Variants in FAM107B observed in about 807,000 individuals in gnomAD.
FAM107B encodes family with sequence similarity 107 member B.
A neutral mutation model predicts 31.5 loss-of-function variants in FAM107B; 21 were observed. The ratio of observed to expected loss-of-function variants is 0.67; its 90% CI spans 0.47 to 0.96. The LOEUF (loss-of-function observed/expected upper bound fraction) is 0.96. Among genes scored for constraint, FAM107B ranks in the 40% least tolerant of loss-of-function variants. The pLI is 0.00. For synonymous variants in FAM107B, 157 were observed against 141.5 expected (o/e 1.11, Z -0.78); for missense variants, 452 against 377.1 (o/e 1.20, Z -1.64).
At chr10:14,582,835 C>T (rs958116824) in intron 2 of FAM107B, among the ~76,000 whole-genome samples, 4 of 152,014 alleles carry the variant, frequency 2.6e-5, no homozygotes, top group African/African-American at 9.7e-5. Flanking sequence ...CCTATAATCC[C>T]AGCACTTTGG....
chr10:14,683,062 G>C (rs1167792749), intron 1 of FAM107B, among the ~76,000 whole-genome samples: 5 of 152,286 alleles, frequency 3.3e-5, no homozygotes, highest in Admixed American at 1.3e-4. Context: ...GGGACTGGCA[G>C]GGTGAAGATG....
chr10:14,676,864 C>T (rs1854695078), intron 1 of FAM107B, among the ~76,000 whole-genome samples: 1 of 152,202 alleles, frequency 6.6e-6, no homozygotes, highest in Non-Finnish European at 1.5e-5. Flanking sequence ...CTGCAAGAAA[C>T]GCTGTTGACA....
chr10:14,731,640 AATG>A (rs1393715123), intron 1 of FAM107B, among the ~76,000 whole-genome samples: 1 of 152,224 alleles, frequency 6.6e-6, no homozygotes, highest in Admixed American at 6.5e-5. Context: ...TGTCCTGCAT[AATG>A]ATGTTTGGGT....
At chr10:14,663,341 A>G (rs1854300271) in intron 2 of FAM107B, 1 of 152,220 alleles carries the variant, frequency 6.6e-6, no homozygotes, top group Non-Finnish European at 1.5e-5. Flanking sequence ...AACTCGACTA[A>G]TACACTCACT....
intron 1 of FAM107B, among the ~76,000 whole-genome samples, chr10:14,767,099 G>GAGAGAC (rs1438667429): frequency 2.3e-4 from 25 of 110,016 alleles, no homozygotes; most frequent in Non-Finnish European, 3.9e-4. Flanking sequence ...GAGAGAGAGA[G>GAGAGAC]ACAGAGAGAG....
chr10:14,725,631 A>G (rs74122967), intron 1 of FAM107B, among the ~76,000 whole-genome samples: 23 of 89,254 alleles, frequency 2.6e-4, no homozygotes, highest in African/African-American at 9.5e-4. Context: ...GAGAGAGAGA[A>G]AGAGAGAGAG....
At chr10:14,594,528 C>T (rs868273295) in intron 2 of FAM107B, among the ~76,000 whole-genome samples, 8 of 137,918 alleles carry the variant, frequency 5.8e-5, no homozygotes, top group Non-Finnish European at 1.1e-4. Context: ...CAAAAAAAAA[C>T]AAAACTGGCA....
Position 14,530,450 on chromosome 10 carries a change from G to T in FAM107B, c.535C>A (p.Pro179Thr). 6.2e-7 allele frequency: 1 copy of T among 1,614,032 alleles called. No homozygotes were observed. The highest frequency in any genetic ancestry group is 8.5e-7 in the Non-Finnish European group (1 of 1,180,008). ...YLITRSIMAE[P>T]DYIEDDNPEL... The stretch of plus-strand genomic sequence containing the variant: ...GGATTGTCATCTTCTATGTAGTCTG[G>T]CTCGGCCATGATGCTTCTTGTAATG... The change falls in exon 3 of 5, where the codon CCA becomes ACA. Residue 179 changes from proline (P) to threonine (T), a missense_variant. Physicochemically the swap from Pro to Thr is conservative, Grantham distance 38. Transcript: ENST00000181796.
chr10:14,658,704 T>C (rs779051711), intron 2 of FAM107B, among the ~76,000 whole-genome samples: 7 of 152,226 alleles, frequency 4.6e-5, no homozygotes, highest in Non-Finnish European at 4.4e-5. Flanking sequence ...GATTGATTCA[T>C]CTACTTGCTT....
At chr10:14,634,444 A>G (rs1853446409) in intron 2 of FAM107B, among the ~76,000 whole-genome samples, 1 of 151,962 alleles carries the variant, frequency 6.6e-6, no homozygotes. Flanking sequence ...TGGTGTCCAC[A>G]TTTTGGATAA....
chr10:14,721,843 A>G lies in FAM107B; in HGVS notation c.411+52410T>C, dbSNP rs190183836. ...TTCTTTTGCTGTGCAGAAACTCTTT[A>G]GTTTAATTAGATCCCATTTGTCTAT... On this transcript the variant is annotated intron_variant, in intron 1 of 4. Coordinates refer to ENST00000181796, the MANE Select transcript of FAM107B (RefSeq NM_031453.4). 9.9e-3 allele frequency among the ~76,000 whole-genome samples: 1,501 copies of G among 152,204 alleles called. 17 individuals are homozygous for G. The highest frequency in any genetic ancestry group is 0.034 in the African/African-American group (1,393 of 41,518).
chr10:14,767,026 A>G (rs887159211), intron 1 of FAM107B, among the ~76,000 whole-genome samples: 11 of 19,246 alleles, frequency 5.7e-4, no homozygotes, highest in South Asian at 5.0e-3. Context: ...ATGTGTATGT[A>G]TATATATATA....
chr10:14,767,340 C>T (rs11259325), intron 1 of FAM107B, among the ~76,000 whole-genome samples: 6,635 of 151,176 alleles, frequency 0.044, 316 homozygotes, highest in African/African-American at 0.12. Flanking sequence ...GATTCACCCA[C>T]GTCAGCCTCC....
At chr10:14,530,659 T>A in intron 2 of FAM107B, 144 bp from the exon 3 acceptor site, 1 of 713,872 alleles carries the variant, frequency 1.4e-6, no homozygotes, top group Non-Finnish European at 2.2e-6. Context: ...ATAAATATTC[T>A]AAAGCGCTTG....
At chr10:14,644,889 C>T (rs10796214) in intron 2 of FAM107B, among the ~76,000 whole-genome samples, 33,140 of 151,972 alleles carry the variant, frequency 0.22, 3,913 homozygotes, top group East Asian at 0.45. Context: ...TAATAAATTG[C>T]CTCCTAATTA....
intron 1 of FAM107B, among the ~76,000 whole-genome samples, chr10:14,770,820 T>A (rs1833283756): frequency 6.6e-6 from 1 of 152,062 alleles, no homozygotes; most frequent in Non-Finnish European, 1.5e-5. Context: ...GTTTCATATT[T>A]GCTTAGTTTG....
rs771252967 is a variant in FAM107B, at chr10:14,521,263, G to A, written c.848C>T (p.Ala283Val). The change falls in exon 5 of 5, where the codon GCC becomes GTC. Residue 283 changes from alanine to valine, a missense_variant. Transcript: ENST00000181796. ...GCCTTTCACCTTCACAAACTCGGGG[G>A]CATTTTCTTGCTCTTCTTGCAATTT... ...KQKLQEEQEN[A>V]PEFVKVKGNL... 2.5e-6 allele frequency: 4 copies of A among 1,614,092 alleles called. No individual in the cohort carries two copies.
intron 1 of FAM107B, among the ~76,000 whole-genome samples, chr10:14,725,389 T>C (rs1190529651): frequency 6.6e-6 from 1 of 152,254 alleles, no homozygotes; most frequent in Non-Finnish European, 1.5e-5. Context: ...CTGGATTTCA[T>C]GTTCAATCAA....
intron 2 of FAM107B, among the ~76,000 whole-genome samples, chr10:14,617,754 CAA>C (rs35039591): frequency 1.3e-3 from 92 of 68,754 alleles, no homozygotes; most frequent in East Asian, 4.6e-3. Context: ...AGGTAGACGC[CAA>C]AAAAAAAAAA....
Sources: gnomAD v4.1 joint callset for allele counts (sites outside exome capture counted in the v4.1 genomes callset) on GRCh38, gnomAD v4.1.1 for gene constraint, MANE v1.5 for transcripts, NCBI Gene and HGNC (gene_info 2026-07-23, HGNC 2026-07-21) for gene names.